The following ADCY7 variants were observed in gnomAD, a reference collection of about 807,000 sequenced individuals.
ADCY7 encodes adenylate cyclase type 7.
ADCY7 carries 72 observed loss-of-function variants against 120.6 expected under a neutral mutation model. The ratio of observed to expected loss-of-function variants is 0.60; its 90% CI spans 0.49 to 0.73. The LOEUF is 0.73. Ranked by LOEUF, ADCY7 falls within the 30% of genes least tolerant of loss-of-function variation. The pLI, the probability that ADCY7 is intolerant of heterozygous loss-of-function variation, is 0.00. For synonymous variants in ADCY7, 661 were observed against 628.0 expected (o/e 1.05, Z -0.78); for missense variants, 1,227 against 1,486.0 (o/e 0.83, Z 2.87).
Position 50,288,147 on chromosome 16 carries a change from G to T in ADCY7, c.-33G>T, listed in dbSNP as rs1344109093. The stretch of plus-strand genomic sequence containing the variant: ...TCCAGGCCCTGGGGCCTCCTTAACG[G>T]CCCCTTAACGACACGCGTGCCAAGG... On this transcript the variant is annotated 5_prime_UTR_variant, in exon 2 of 26. Coordinates refer to ENST00000673801, the MANE Select transcript of ADCY7 (RefSeq NM_001114.5). The T allele has an allele frequency of 2.6e-6, 4 of 1,522,132 alleles. No homozygotes were observed. The highest frequency in any genetic ancestry group is 4.9e-5 in the East Asian group (2 of 40,430). The allele number at this position is 1,522,132 out of a possible 1,614,324, so 94.3% of individuals were successfully genotyped here.
In ADCY7 at chr16:50,299,017, G is replaced by A; in HGVS notation, c.1062G>A (p.Met354Ile). Residue 354 changes from methionine (M) to isoleucine (I), a missense_variant, in exon 8 of 26, where the codon ATG (methionine) becomes ATA (isoleucine). This residue lies in a region of ADCY7 where 332 missense variants were observed against 455.8 expected (regional missense o/e 0.73). Coordinates refer to ENST00000673801, the MANE Select transcript of ADCY7 (RefSeq NM_001114.5). ...ACTGCGTGAAGATGGGGCTGGACATGTGCCAGGCCATCAAGTAGGTCCTGG... is the reference window on the plus strand; with the variant it reads ...ACTGCGTGAAGATGGGGCTGGACATATGCCAGGCCATCAAGTAGGTCCTGG... ...ARNCVKMGLDMCQAIKQVREA... is the reference protein window; with the variant it reads ...ARNCVKMGLDICQAIKQVREA... The A allele has an allele frequency of 6.2e-7, 1 of 1,611,438 alleles. No homozygotes were observed. Among genetic ancestry groups the A allele is most frequent in the Non-Finnish European group, 8.5e-7 (1 of 1,179,766 alleles).
At chr16:50,314,725 C>T (rs200163226) in intron 24 of ADCY7, 5 of 446,680 alleles carry the variant, frequency 1.1e-5, no homozygotes, top group East Asian at 1.1e-4. Flanking sequence ...CAAAGCCAGG[C>T]CTTTGTTAAT....
intron 1 of ADCY7, among the ~76,000 whole-genome samples, chr16:50,269,707 A>G (rs1252306174): frequency 6.6e-6 from 1 of 152,158 alleles, no homozygotes; most frequent in Non-Finnish European, 1.5e-5. Flanking sequence ...GGACTTGTTC[A>G]TACTGAGGTG....
chr16:50,311,050 AG>A (rs1301085486), intron 19 of ADCY7, among the ~76,000 whole-genome samples, 170 bp downstream of exon 19: 35 of 152,122 alleles, frequency 2.3e-4, no homozygotes, highest in African/African-American at 7.0e-4. Flanking sequence ...CAGGTTCTTT[AG>A]GAAGTCCCTA....
chr16:50,313,310 C>T, intron 22 of ADCY7: 1 of 318,496 alleles, frequency 3.1e-6, no homozygotes, highest in Non-Finnish European at 6.1e-6. Context: ...ATCCCAGCTA[C>T]TTGGGAGGCT....
chr16:50,247,539 ATTTTT>A (rs5816683), intron 1 of ADCY7, among the ~76,000 whole-genome samples: 56 of 111,356 alleles, frequency 5.0e-4, no homozygotes, highest in East Asian at 1.1e-3. Flanking sequence ...TAATTTAGTA[ATTTTT>A]TTTTTTTTTT....
chr16:50,257,857 C>T (rs1296240531), intron 1 of ADCY7, among the ~76,000 whole-genome samples: 1 of 151,940 alleles, frequency 6.6e-6, no homozygotes, highest in Non-Finnish European at 1.5e-5. Context: ...ATCCTCCCAC[C>T]TCAGCCTCCC....
In ADCY7 at chr16:50,308,671, G is replaced by A. The variant is rs779794150; in HGVS notation, c.1940G>A (p.Cys647Tyr). The A allele has an allele frequency of 8.7e-6, 14 of 1,611,830 alleles. No individual in the cohort carries two copies. The highest frequency in any genetic ancestry group is 1.2e-5 in the Non-Finnish European group (14 of 1,179,036). ...GLCFATKFSR[C>Y]CPARGTLCTI... ...CTTGACCCTGTTACCCCACAGAGGT[G>A]CTGCCCAGCTCGGGGGACGCTCTGC... The change falls in exon 17 of 26, where the codon TGC becomes TAC. Residue 647 changes from cysteine to tyrosine, a missense_variant. Cys to Tyr is a radical substitution (Grantham distance 194). Transcript: ENST00000673801.
intron 1 of ADCY7, among the ~76,000 whole-genome samples, chr16:50,251,029 G>T (rs1266870470): frequency 6.6e-6 from 1 of 152,026 alleles, no homozygotes; most frequent in Non-Finnish European, 1.5e-5. Context: ...TAGGCCAGGA[G>T]TCTGAGACTA....
chr16:50,310,576 C>T, intron 18 of ADCY7, 111 bp from the exon 19 acceptor site: 1 of 1,574,568 alleles, frequency 6.4e-7, no homozygotes, highest in East Asian at 2.4e-5. Context: ...GGTGGTAAGG[C>T]AAGAGCGTGA....
At chr16:50,310,256 G>A (rs1023096390) in intron 18 of ADCY7, among the ~76,000 whole-genome samples, 2 of 152,184 alleles carry the variant, frequency 1.3e-5, no homozygotes, top group African/African-American at 4.8e-5. Flanking sequence ...CCGGGGGCAG[G>A]CTTGATCCAG....
At chr16:50,258,526 G>C (rs956711804) in intron 1 of ADCY7, among the ~76,000 whole-genome samples, 1 of 3,842 alleles carries the variant, frequency 2.6e-4, no homozygotes, top group Admixed American at 5.8e-3. Context: ...ATTTCTGGGA[G>C]GCACGTGGTC....
intron 1 of ADCY7, among the ~76,000 whole-genome samples, chr16:50,250,770 G>A (rs1376233609): frequency 6.6e-6 from 1 of 152,116 alleles, no homozygotes; most frequent in Non-Finnish European, 1.5e-5. Context: ...CTGTTTATAT[G>A]AGCCCTTGAT....
At chr16:50,270,453 T>C (rs2033490469) in intron 1 of ADCY7, among the ~76,000 whole-genome samples, 1 of 152,208 alleles carries the variant, frequency 6.6e-6, no homozygotes, top group Non-Finnish European at 1.5e-5. Flanking sequence ...GGATGGAGCC[T>C]GTTTCTTGCA....
chr16:50,297,139 G>C lies in ADCY7; in HGVS notation c.949-1765G>C, dbSNP rs1190266370. ...GATGGGGAAAGGGAGGCCATGGCAG[G>C]TGCCAGCTTCCCAGTCAGAGCATCT... On this transcript the variant is annotated intron_variant, in intron 7 of 25. Coordinates refer to ENST00000673801, the MANE Select transcript of ADCY7 (RefSeq NM_001114.5). This position sits in a 1 kb window ranked among gnomAD's most constrained non-coding sequence, Gnocchi z 4.4. 2.6e-5 allele frequency among the ~76,000 whole-genome samples: 4 copies of C among 152,262 alleles called. No homozygotes were observed. Among genetic ancestry groups the C allele is most frequent in the South Asian group, 2.1e-4 (1 of 4,834 alleles).
Position 50,270,348 on chromosome 16 carries a change from T to C in ADCY7, c.-269+3668T>C, listed in dbSNP as rs148308168. Among the ~76,000 whole-genome samples, 374 of 152,302 alleles carry C rather than the reference T, an allele frequency of 2.5e-3. 1 individual carries two copies. The highest frequency in any genetic ancestry group is 8.5e-3 in the African/African-American group (355 of 41,560). ...CTTCCAGAGGTTATCCGGTCCAGCA[T>C]CCCGCCTCCAGGCAGAACTGGACTG... On this transcript the variant is annotated intron_variant, in intron 1 of 25. Coordinates refer to ENST00000673801, the MANE Select transcript of ADCY7 (RefSeq NM_001114.5).
chr16:50,263,739 G>A (rs1018139308), upstream of ADCY7, among the ~76,000 whole-genome samples: 4 of 151,682 alleles, frequency 2.6e-5, no homozygotes, highest in African/African-American at 9.7e-5. Flanking sequence ...AGGGTGGGTC[G>A]CTCCCCACCT....
At chr16:50,295,263 C>G (rs914582445) in intron 7 of ADCY7, among the ~76,000 whole-genome samples, 19 of 151,718 alleles carry the variant, frequency 1.3e-4, no homozygotes, top group African/African-American at 4.6e-4. Context: ...ACTGCAGCCT[C>G]GACCTGCCAG....
intron 1 of ADCY7, among the ~76,000 whole-genome samples, chr16:50,268,469 T>G (rs2033355627): frequency 2.0e-5 from 3 of 152,134 alleles, no homozygotes; most frequent in African/African-American, 7.2e-5. Context: ...GGAGTGGTCA[T>G]AGCTCACTGC....
Sources: gnomAD v4.1 joint callset for allele counts (sites outside exome capture counted in the v4.1 genomes callset) on GRCh38, gnomAD v4.1.1 for gene constraint, gnomAD v4.1.1 regional missense constraint, Gnocchi (gnomAD v3.1) non-coding constraint, MANE v1.5 for transcripts, NCBI Gene and HGNC (gene_info 2026-07-23, HGNC 2026-07-21) for gene names.